LRP1B: variants seen among roughly 807,000 people sequenced by gnomAD.
LRP1B encodes LDL receptor related protein 1B, also known as low-density lipoprotein receptor-related protein 1B.
In LRP1B, 217 loss-of-function variants were observed where a neutral mutation model predicts 556.6. The ratio of observed to expected loss-of-function variants is 0.39; its 90% confidence interval spans 0.35 to 0.44. The LOEUF is 0.44. Among genes scored for constraint, LRP1B ranks in the 20% least tolerant of loss-of-function variants. The pLI is 1.00. For synonymous variants in LRP1B, 2,047 were observed against 1,865.8 expected, an observed-to-expected ratio of 1.10 and a Z score of -2.50; for missense variants, 5,053 against 5,620.8, an observed-to-expected ratio of 0.90 and a Z score of 3.23.
intron 35 of LRP1B, among the ~76,000 whole-genome samples, chr2:140,720,735 C>T (rs996305523): frequency 1.3e-5 from 2 of 152,078 alleles, no homozygotes; most frequent in African/African-American, 4.8e-5. Flanking sequence ...TGAAAACACT[C>T]TACTCTACGT....
rs1363852530 is a variant in LRP1B at position 140,526,333 on chromosome 2, C to A, written c.7780G>T (p.Val2594Phe). 1 of 1,611,166 alleles carries A rather than the reference C, an allele frequency of 6.2e-7. No individual in the cohort carries two copies. Among genetic ancestry groups the A allele is most frequent in the Admixed American group, 1.7e-5 (1 of 59,760 alleles). Residue 2594 changes from valine (V) to phenylalanine (F), a missense_variant, in exon 48 of 91, where the codon GTT becomes TTT. Physicochemically the swap from Val to Phe is conservative, Grantham distance 50. This residue lies in a region of LRP1B where 3,619 missense variants were observed against 3,931.9 expected (regional missense o/e 0.92). Transcript: ENST00000389484. ...LDCKVSTCAT[V>F]EFRCADGTCI... ...GTCCCATCTGCACAGCGGAACTCAA[C>A]CGTGGCACAGGTTGAAACTAGAAAA...
At chr2:141,908,896 G>T (rs1699830709) in intron 1 of LRP1B, among the ~76,000 whole-genome samples, 1 of 152,010 alleles carries the variant, frequency 6.6e-6, no homozygotes, top group African/African-American at 2.4e-5. Flanking sequence ...ATTGAGGTTG[G>T]TCTTATTTTC....
chr2:141,331,541 T>TTTCTTTCTTTCTTTCTTTTTCTTTC (rs141339943), intron 3 of LRP1B, among the ~76,000 whole-genome samples: 4 of 144,640 alleles, frequency 2.8e-5, no homozygotes, highest in South Asian at 2.1e-4. Flanking sequence ...TCTTTCTTTC[T>TTTCTTTCTTTCTTTCTTTTTCTTTC]TTCTTTCTTT....
At chr2:140,782,234 T>C (rs1054985796) in intron 32 of LRP1B, among the ~76,000 whole-genome samples, 1 of 152,186 alleles carries the variant, frequency 6.6e-6, no homozygotes, top group Non-Finnish European at 1.5e-5. Flanking sequence ...GCTAAATTGT[T>C]AACTCCCACC....
intron 32 of LRP1B, among the ~76,000 whole-genome samples, chr2:140,808,096 T>TTAAAA (rs1286332577): frequency 1.3e-5 from 2 of 151,964 alleles, no homozygotes; most frequent in African/African-American, 4.8e-5. Context: ...CATCTCCAAA[T>TTAAAA]TAAAATAAAA....
In LRP1B at chr2:141,664,284, T is replaced by C. The variant is rs566325216; in HGVS notation, c.205+145995A>G. Reference sequence around the variant, plus strand: ...CAGGCAAAAGCTGGAAGCATTCCCCTTGAAAACCAGCAGAACACAAGGATG... The same window carrying C: ...CAGGCAAAAGCTGGAAGCATTCCCCCTGAAAACCAGCAGAACACAAGGATG... On this transcript the variant is annotated intron_variant, in intron 2 of 90. Transcript: ENST00000389484. Among the ~76,000 whole-genome samples, 41 of 152,134 alleles carry C rather than the reference T, an allele frequency of 2.7e-4. No homozygotes were observed. In the Middle Eastern group the frequency reaches 0.01, roughly 38 times the overall value.
At chr2:140,648,783 T>A (rs933294387) in intron 41 of LRP1B, among the ~76,000 whole-genome samples, 6 of 152,042 alleles carry the variant, frequency 3.9e-5, no homozygotes, top group African/African-American at 7.2e-5. Context: ...TGATGCAAGG[T>A]CCTTAGAGAC....
At chr2:141,758,475 T>TG (rs1175927085) in intron 2 of LRP1B, among the ~76,000 whole-genome samples, 29 of 152,242 alleles carry the variant, frequency 1.9e-4, no homozygotes, top group African/African-American at 5.8e-4. Flanking sequence ...TACATATATA[T>TG]GTACTGAATA....
chr2:141,178,034 G>A (rs1298837892), intron 7 of LRP1B, among the ~76,000 whole-genome samples: 2 of 152,118 alleles, frequency 1.3e-5, no homozygotes, highest in African/African-American at 2.4e-5. Context: ...TTATTGGTAT[G>A]TAGAAGTAAT....
At chr2:140,276,785 G>T (rs2104957104) in intron 84 of LRP1B, among the ~76,000 whole-genome samples, 1 of 151,960 alleles carries the variant, frequency 6.6e-6, no homozygotes, top group Middle Eastern at 3.4e-3. Flanking sequence ...AGGTTGCCAT[G>T]GTGGATATAA....
intron 1 of LRP1B, among the ~76,000 whole-genome samples, chr2:141,956,416 T>C (rs1574528965): frequency 6.6e-6 from 1 of 152,136 alleles, no homozygotes; most frequent in Non-Finnish European, 1.5e-5. Flanking sequence ...TTTACTTTTT[T>C]TCTAATATGT....
chr2:141,639,349 T>TATATATATATACATACACAC (rs1262198983), intron 2 of LRP1B, among the ~76,000 whole-genome samples: 1 of 56,106 alleles, frequency 1.8e-5, no homozygotes, highest in African/African-American at 6.7e-5. Flanking sequence ...TATATATATA[T>TATATATATATACATACACAC]ACACACACAC....
At chr2:141,813,325 A>G (rs13432369) in intron 1 of LRP1B, among the ~76,000 whole-genome samples, 158 of 152,224 alleles carry the variant, frequency 1.0e-3, no homozygotes, top group African/African-American at 3.0e-3. Flanking sequence ...TAGAGTATGG[A>G]GGCAGGTACA....
At position 141,599,045 on chromosome 2, in the gene LRP1B, TCCCCCCC is replaced by T. The variant is rs1687629437; in HGVS notation, c.206-118519_206-118513del. Among the ~76,000 whole-genome samples, 3 of 28,966 alleles carry T rather than the reference TCCCCCCC, an allele frequency of 1.0e-4. 1 individual carries two copies. Among genetic ancestry groups the T allele is most frequent in the East Asian group, 2.5e-3 (2 of 790 alleles). 19.0% of individuals were successfully genotyped at this position (28,966 alleles called of 152,430 possible). ...TTGACTTGCTTTTATTTTGTTCAAC[TCCCCCCC>T]GCCCCCCCCCCCCCCCCCCCCCGCT... On this transcript the variant is annotated intron_variant, in intron 2 of 90. Coordinates refer to ENST00000389484, the MANE Select transcript of LRP1B (RefSeq NM_018557.3).
chr2:140,858,646 G>A (rs1002051104), intron 27 of LRP1B, among the ~76,000 whole-genome samples: 1 of 151,922 alleles, frequency 6.6e-6, no homozygotes, highest in African/African-American at 2.4e-5. Flanking sequence ...GTAAACATGT[G>A]CCATGGTGGT....
At chr2:140,263,397 T>C (rs1682037550) in intron 86 of LRP1B, among the ~76,000 whole-genome samples, 1 of 152,154 alleles carries the variant, frequency 6.6e-6, no homozygotes, top group African/African-American at 2.4e-5. Flanking sequence ...TAATCCTTTA[T>C]AGCAAATGAC....
intron 6 of LRP1B, among the ~76,000 whole-genome samples, chr2:141,197,104 T>C (rs527267134): frequency 6.6e-6 from 1 of 152,282 alleles, no homozygotes; most frequent in East Asian, 1.9e-4. Context: ...AAACTTTGAA[T>C]CAATTAAGCC....
chr2:140,788,268 T>A (rs982380172), intron 32 of LRP1B, among the ~76,000 whole-genome samples: 1 of 152,222 alleles, frequency 6.6e-6, no homozygotes, highest in Non-Finnish European at 1.5e-5. Flanking sequence ...ACTATACTGA[T>A]TCTGCTACAT....
chr2:140,576,006 A>C (rs551329715), intron 43 of LRP1B, among the ~76,000 whole-genome samples: 1 of 152,272 alleles, frequency 6.6e-6, no homozygotes, highest in South Asian at 2.1e-4. Context: ...AAAGTATCAC[A>C]ACAACAATGC....
Sources: allele counts gnomAD v4.1 joint callset (sites outside exome capture counted in the v4.1 genomes callset), GRCh38; gene constraint gnomAD v4.1.1; regional missense constraint gnomAD v4.1.1; transcripts MANE v1.5; gene names NCBI Gene and HGNC (gene_info 2026-07-23, HGNC 2026-07-21).